DPYD: variants seen among roughly 807,000 people sequenced by gnomAD.
DPYD encodes dihydropyrimidine dehydrogenase.
In DPYD, 109 loss-of-function variants were observed where a neutral mutation model predicts 116.2. That is an observed-to-expected ratio of 0.94 (90% confidence interval 0.80 to 1.10). The LOEUF (loss-of-function observed/expected upper bound fraction) is 1.10, where lower values mean the gene tolerates loss of function less well. DPYD is among the 50% of genes least tolerant of loss of function. The probability of loss-of-function intolerance (pLI) is 0.00; values close to 1 mark genes in which losing one functional copy is unlikely to be tolerated. For synonymous variants in DPYD, 440 were observed against 432.0 expected, an observed-to-expected ratio of 1.02 and a Z score of -0.23; for missense variants, 1,302 against 1,254.5, an observed-to-expected ratio of 1.04 and a Z score of -0.57.
chr1:97,762,127 C>A (rs1466227071), intron 3 of DPYD, among the ~76,000 whole-genome samples: 1 of 151,988 alleles, frequency 6.6e-6, no homozygotes, highest in African/African-American at 2.4e-5. Context: ...ACCTAAACAA[C>A]AAACCTGCAC....
chr1:97,643,586 T>TATATAC (rs1658062132), intron 8 of DPYD, among the ~76,000 whole-genome samples: 1 of 152,282 alleles, frequency 6.6e-6, no homozygotes, highest in East Asian at 1.9e-4. Flanking sequence ...CATTACTGGG[T>TATATAC]ATATACCCAA....
intron 19 of DPYD, among the ~76,000 whole-genome samples, chr1:97,226,761 G>T (rs1297871649): frequency 1.3e-5 from 2 of 152,058 alleles, no homozygotes; most frequent in Non-Finnish European, 2.9e-5. Context: ...TATGTTCAAG[G>T]ACTGGAAGAA....
At chr1:97,611,661 A>C (rs963738730) in intron 8 of DPYD, among the ~76,000 whole-genome samples, 2 of 152,022 alleles carry the variant, frequency 1.3e-5, no homozygotes, top group African/African-American at 4.8e-5. Flanking sequence ...GTACTGTGCT[A>C]GACAAATCCG....
chr1:97,325,050 C>T (rs771122955), intron 16 of DPYD, among the ~76,000 whole-genome samples: 1 of 151,938 alleles, frequency 6.6e-6, no homozygotes. Context: ...ATGAAGTTTT[C>T]ATGGGGGAAA....
chr1:97,585,081 C>T (rs1654003111), intron 10 of DPYD, among the ~76,000 whole-genome samples: 1 of 151,858 alleles, frequency 6.6e-6, no homozygotes, highest in Non-Finnish European at 1.5e-5. Flanking sequence ...TTAAAGTCTT[C>T]CTATGAAGTT....
chr1:97,169,289 A>T (rs1366435587), intron 20 of DPYD, among the ~76,000 whole-genome samples: 7 of 152,134 alleles, frequency 4.6e-5, no homozygotes, highest in African/African-American at 1.7e-4. Flanking sequence ...AATCATTACC[A>T]TTTTCTTCAG....
At chr1:97,533,054 GT>G (rs887719450) in intron 12 of DPYD, among the ~76,000 whole-genome samples, 3 of 150,420 alleles carry the variant, frequency 2.0e-5, no homozygotes, top group Non-Finnish European at 4.4e-5. Context: ...CTTGCATTAA[GT>G]TTTTTTTTAT....
chr1:97,674,170 C>T (rs1415617137), intron 8 of DPYD, among the ~76,000 whole-genome samples: 1 of 152,094 alleles, frequency 6.6e-6, no homozygotes, highest in East Asian at 1.9e-4. Flanking sequence ...ATCCCAGTGG[C>T]ATTAAGTGAG....
intron 8 of DPYD, among the ~76,000 whole-genome samples, chr1:97,661,179 A>G (rs1364427553): frequency 6.6e-6 from 1 of 152,188 alleles, no homozygotes; most frequent in Non-Finnish European, 1.5e-5. Context: ...TTGATTTAAC[A>G]TATAGCATAT....
intron 8 of DPYD, among the ~76,000 whole-genome samples, chr1:97,598,071 TTAA>T (rs1655001592): frequency 6.6e-6 from 1 of 152,170 alleles, no homozygotes; most frequent in South Asian, 2.1e-4. Context: ...ACATTAGCTA[TTAA>T]TATTAAGATA....
At chr1:97,797,713 T>C (rs1320431598) in intron 3 of DPYD, 2 of 152,068 alleles carry the variant, frequency 1.3e-5, no homozygotes, top group Non-Finnish European at 2.9e-5. Context: ...TATATTAGTA[T>C]GTATGTTCCT....
chr1:97,507,204 G>A (rs78075698), intron 13 of DPYD, among the ~76,000 whole-genome samples: 3,600 of 151,954 alleles, frequency 0.024, 150 homozygotes, highest in African/African-American at 0.083. Flanking sequence ...AATAAAATAC[G>A]TCTAAGTTAT....
chr1:97,692,177 GAT>G (rs915196429), intron 6 of DPYD, among the ~76,000 whole-genome samples: 87 of 151,966 alleles, frequency 5.7e-4, no homozygotes, highest in African/African-American at 2.0e-3. Flanking sequence ...GCTAGATGGA[GAT>G]ATAGATTTTA....
At chr1:97,222,819 T>C (rs2101895453) in intron 19 of DPYD, among the ~76,000 whole-genome samples, 1 of 152,190 alleles carries the variant, frequency 6.6e-6, no homozygotes, top group African/African-American at 2.4e-5. Context: ...ATATTTCTCT[T>C]TTAACCAGTT....
intron 8 of DPYD, among the ~76,000 whole-genome samples, chr1:97,641,919 C>A (rs996074612): frequency 7.2e-5 from 11 of 152,150 alleles, no homozygotes; most frequent in Admixed American, 2.0e-4. Context: ...ATACAAAAAT[C>A]AATGTGCAAA....
intron 3 of DPYD, among the ~76,000 whole-genome samples, chr1:97,800,236 T>C (rs1014759997): frequency 6.6e-6 from 1 of 152,076 alleles, no homozygotes; most frequent in African/African-American, 2.4e-5. Context: ...CAACAAATTA[T>C]AGCTATTATT....
intron 14 of DPYD, among the ~76,000 whole-genome samples, chr1:97,442,995 T>C (rs962180819): frequency 1.3e-5 from 2 of 152,192 alleles, no homozygotes; most frequent in African/African-American, 4.8e-5. Context: ...TTATATGTAA[T>C]CTTTCAAAAT....
intron 4 of DPYD, among the ~76,000 whole-genome samples, chr1:97,725,716 A>G (rs1217921561): frequency 6.6e-6 from 1 of 151,722 alleles, no homozygotes; most frequent in African/African-American, 2.4e-5. Flanking sequence ...ATTTCAATGA[A>G]TGATGCTGGA....
intron 2 of DPYD, among the ~76,000 whole-genome samples, chr1:97,853,211 T>C (rs2101571760): frequency 6.6e-6 from 1 of 152,354 alleles, no homozygotes; most frequent in Non-Finnish European, 1.5e-5. Flanking sequence ...CATAGTTTAT[T>C]ATATGGTAAT....
Sources: gnomAD v4.1 joint callset for allele counts (sites outside exome capture counted in the v4.1 genomes callset) on GRCh38, gnomAD v4.1.1 for gene constraint, MANE v1.5 for transcripts, NCBI Gene and HGNC (gene_info 2026-07-23, HGNC 2026-07-21) for gene names.